Variants in IL10RB observed in about 807,000 individuals in gnomAD.
IL10RB encodes interleukin-10 receptor subunit beta.
IL10RB carries 30 observed loss-of-function variants against 38.7 expected under a neutral mutation model. The ratio of observed to expected loss-of-function variants is 0.78; its 90% CI spans 0.58 to 1.05. The LOEUF is 1.05. Among genes scored for constraint, IL10RB ranks in the 50% least tolerant of loss-of-function variants. The pLI, the probability that IL10RB is intolerant of heterozygous loss-of-function variation, is 0.00. For synonymous variants in IL10RB, 142 were observed against 145.9 expected (o/e 0.97, Z 0.19); for missense variants, 328 against 397.1 (o/e 0.83, Z 1.48).
At chr21:33,273,241 G>A (rs1438660729) in intron 2 of IL10RB, among the ~76,000 whole-genome samples, 1 of 152,172 alleles carries the variant, frequency 6.6e-6, no homozygotes, top group Non-Finnish European at 1.5e-5. Flanking sequence ...TTTGTATACA[G>A]GCATATCACA....
chr21:33,268,398 G>C lies in IL10RB; in HGVS notation c.54G>C (p.Leu18Phe). 5 of 1,613,906 alleles carry C rather than the reference G, an allele frequency of 3.1e-6. No individual in the cohort carries two copies. The highest frequency in any genetic ancestry group is 4.2e-6 in the Non-Finnish European group (5 of 1,179,754). ...GTTTTTGTCTTATTTTCATAGCATT[G>C]GGAATGGTACCACCTCCCGAAAATG... Reference protein sequence around the residue: ...WLGGCLLVSALGMVPPPENVR... With the variant: ...WLGGCLLVSAFGMVPPPENVR... The change falls in exon 2 of 7, where the codon TTG (leucine) becomes TTC (phenylalanine). Residue 18 changes from leucine (L) to phenylalanine (F), a missense_variant. Transcript: ENST00000290200.
At chr21:33,280,973 C>T (rs1480065957) in intron 4 of IL10RB, among the ~76,000 whole-genome samples, 1 of 152,212 alleles carries the variant, frequency 6.6e-6, no homozygotes, top group African/African-American at 2.4e-5. Flanking sequence ...CTTATAAACA[C>T]TAGAAATTTA....
At chr21:33,270,778 G>A (rs953416074) in intron 2 of IL10RB, among the ~76,000 whole-genome samples, 2 of 147,934 alleles carry the variant, frequency 1.4e-5, no homozygotes, top group Admixed American at 6.7e-5. Context: ...GGGTTCAAGC[G>A]ATTCTCCTGC....
Position 33,282,214 on chromosome 21 carries a change from C to G in IL10RB, c.499-880C>G, listed in dbSNP as rs542077616. On this transcript the variant is annotated intron_variant, in intron 4 of 6. Transcript: ENST00000290200. ...CAGTAGAGGCATATAGGCATGCTGT[C>G]AACGACCCCAACCCCAAAAAAGAAC... Among the ~76,000 whole-genome samples the G allele has an allele frequency of 2.0e-5, 3 of 152,214 alleles. No individual in the cohort carries two copies. In the South Asian group the frequency reaches 6.2e-4, roughly 32 times the overall value.
intron 1 of IL10RB, among the ~76,000 whole-genome samples, chr21:33,267,398 G>C (rs8178443): frequency 6.7e-4 from 101 of 151,846 alleles, no homozygotes; most frequent in African/African-American, 2.2e-3. Flanking sequence ...GTACCAGTTG[G>C]GTGATGGGTG....
intron 1 of IL10RB, among the ~76,000 whole-genome samples, chr21:33,304,014 C>T (rs2082992436): frequency 6.6e-6 from 1 of 152,172 alleles, no homozygotes; most frequent in Admixed American, 6.5e-5. Context: ...AGTGAGCCCA[C>T]CTGACCAGGC....
intron 2 of IL10RB, among the ~76,000 whole-genome samples, chr21:33,272,249 T>G (rs1307273370): frequency 6.6e-6 from 1 of 152,104 alleles, no homozygotes; most frequent in Non-Finnish European, 1.5e-5. Context: ...CAGATCTGAG[T>G]TCAGTTGGGC....
At chr21:33,295,014 T>C (rs1372973177) in intron 6 of IL10RB, among the ~76,000 whole-genome samples, 4 of 152,216 alleles carry the variant, frequency 2.6e-5, no homozygotes, top group Non-Finnish European at 5.9e-5. Flanking sequence ...CTCTGTCTGA[T>C]AGAGCATATT....
chr21:33,308,335 A>G (rs1167947872), intron 1 of IL10RB: 1 of 152,208 alleles, frequency 6.6e-6, no homozygotes, highest in Non-Finnish European at 1.5e-5. Flanking sequence ...CACTTCATGG[A>G]TGTTAAAGTG....
chr21:33,301,767 C>A (rs1321242552), downstream of IL10RB, among the ~76,000 whole-genome samples: 1 of 152,226 alleles, frequency 6.6e-6, no homozygotes, highest in African/African-American at 2.4e-5. Flanking sequence ...TTATCTGCCT[C>A]ATTTTTCAGA....
chr21:33,279,423 G>A (rs1231550474), intron 3 of IL10RB, among the ~76,000 whole-genome samples: 1 of 147,760 alleles, frequency 6.8e-6, no homozygotes, highest in Non-Finnish European at 1.5e-5. Context: ...AATAAAAGAG[G>A]AGAAGACACC....
intron 2 of IL10RB, among the ~76,000 whole-genome samples, chr21:33,275,373 G>A (rs1366205866): frequency 1.3e-5 from 2 of 152,094 alleles, no homozygotes; most frequent in East Asian, 3.9e-4. Flanking sequence ...GGTCAGGCTG[G>A]TCTTGAACTC....
downstream of IL10RB, among the ~76,000 whole-genome samples, chr21:33,299,306 G>C (rs78407724): frequency 1.8e-3 from 278 of 152,306 alleles, 8 homozygotes; most frequent in East Asian, 0.051. Flanking sequence ...TCACCAGGAA[G>C]TGACTAAGGG....
In IL10RB at chr21:33,296,776, A is replaced by G; in HGVS notation, c.*419A>G. Reference sequence around the variant, plus strand: ...CAGCCTGGCCAATATGGTGAAACCCAGTCTCTACTAAAAATACAAAAATTA... The same window carrying G: ...CAGCCTGGCCAATATGGTGAAACCCGGTCTCTACTAAAAATACAAAAATTA... On this transcript the variant is annotated 3_prime_UTR_variant, in exon 7 of 7. Transcript: ENST00000290200. 1 of 353,236 alleles carries G rather than the reference A, an allele frequency of 2.8e-6. No individual in the cohort carries two copies. Among genetic ancestry groups the G allele is most frequent in the South Asian group, 2.2e-5 (1 of 45,988 alleles). 21.9% of individuals were successfully genotyped at this position (353,236 alleles called of 1,614,324 possible). A position where few individuals can be genotyped will look rare whatever the true frequency, so the allele number is the denominator to read the frequency against.
At chr21:33,305,001 A>C (rs2082995392) in intron 1 of IL10RB, among the ~76,000 whole-genome samples, 1 of 152,200 alleles carries the variant, frequency 6.6e-6, no homozygotes, top group Non-Finnish European at 1.5e-5. Context: ...TCCTTACATA[A>C]TGAGCAAAGG....
chr21:33,280,212 A>C (rs1989255463), intron 4 of IL10RB, among the ~76,000 whole-genome samples: 1 of 152,260 alleles, frequency 6.6e-6, no homozygotes, highest in Non-Finnish European at 1.5e-5. Flanking sequence ...TGGCTGAATT[A>C]GGTGATCAGC....
At chr21:33,277,120 A>C (rs1989185895) in intron 3 of IL10RB, among the ~76,000 whole-genome samples, 1 of 152,174 alleles carries the variant, frequency 6.6e-6, no homozygotes, top group African/African-American at 2.4e-5. Flanking sequence ...GTGATAGGCA[A>C]AAGAATGAAG....
At chr21:33,302,312 C>T (rs541844449) in intron 1 of IL10RB, among the ~76,000 whole-genome samples, 11 of 152,360 alleles carry the variant, frequency 7.2e-5, no homozygotes, top group Non-Finnish European at 1.5e-4. Context: ...TTCTGCCAGG[C>T]AGGAGACTTC....
In IL10RB at chr21:33,268,513, C is replaced by T. The variant is rs1249462624; in HGVS notation, c.169C>T (p.Leu57=). 1 of 1,610,440 alleles carries T rather than the reference C, an allele frequency of 6.2e-7. No homozygotes were observed. The highest frequency in any genetic ancestry group is 1.3e-5 in the African/African-American group (1 of 74,862). Residue 57 remains leucine, a synonymous_variant, in exon 2 of 7, where the codon CTA becomes TTA. Coordinates refer to ENST00000290200, the MANE Select transcript of IL10RB (RefSeq NM_000628.5). ...GAACCTGACTTTCACAGCTCAGTAC[C>T]TAAGGTGGGTCTGGCCTCACTATTG... ...KGNLTFTAQY[L]SYRIFQDKCM...
Sources: gnomAD v4.1 joint callset for allele counts (sites outside exome capture counted in the v4.1 genomes callset) on GRCh38, gnomAD v4.1.1 for gene constraint, MANE v1.5 for transcripts, NCBI Gene and HGNC (gene_info 2026-07-23, HGNC 2026-07-21) for gene names.